The following SOX5 variants were observed in gnomAD, a reference collection of about 807,000 sequenced individuals.
SOX5 encodes transcription factor SOX-5.
SOX5 carries 9 observed loss-of-function variants against 92.0 expected under a neutral mutation model. The ratio of observed to expected loss-of-function variants is 0.10; its 90% CI spans 0.06 to 0.17. The LOEUF is 0.17. Ranked by LOEUF, SOX5 falls within the 10% of genes least tolerant of loss-of-function variation. SOX5 has a pLI of 1.00. For synonymous variants in SOX5, 344 were observed against 336.3 expected (o/e 1.02, Z -0.25); for missense variants, 642 against 944.5 (o/e 0.68, Z 4.20).
At chr12:24,216,245 A>G (rs1959165664) in intron 3 of SOX5, among the ~76,000 whole-genome samples, 1 of 152,192 alleles carries the variant, frequency 6.6e-6, no homozygotes, top group Non-Finnish European at 1.5e-5. Flanking sequence ...GCACTTTGGG[A>G]GGCCGAGGCG....
intron 4 of SOX5, among the ~76,000 whole-genome samples, chr12:24,186,554 TA>T (rs1322712790): frequency 1.3e-5 from 2 of 151,924 alleles, no homozygotes; most frequent in African/African-American, 4.8e-5. Context: ...AAGCAGAAAA[TA>T]GAAAGCAAAA....
chr12:23,853,360 AATATT>A (rs2096653819), intron 2 of SOX5, among the ~76,000 whole-genome samples: 1 of 151,704 alleles, frequency 6.6e-6, no homozygotes, highest in Non-Finnish European at 1.5e-5. Flanking sequence ...ACAATATGAA[AATATT>A]ATATTTTGTT....
At chr12:23,662,627 A>G (rs1056192021) in intron 7 of SOX5, among the ~76,000 whole-genome samples, 1 of 152,174 alleles carries the variant, frequency 6.6e-6, no homozygotes, top group Non-Finnish European at 1.5e-5. Flanking sequence ...GTCCAACTAA[A>G]AGCTTCTCTT....
chr12:24,151,872 T>A (rs1054152232), intron 4 of SOX5, among the ~76,000 whole-genome samples: 37 of 152,056 alleles, frequency 2.4e-4, no homozygotes, highest in African/African-American at 8.4e-4. Context: ...AAAAAATAAA[T>A]AAATAAATAA....
intron 2 of SOX5, among the ~76,000 whole-genome samples, chr12:23,867,637 T>A (rs569780741): frequency 6.6e-6 from 1 of 152,108 alleles, no homozygotes; most frequent in Admixed American, 6.5e-5. Flanking sequence ...AGATTTACAA[T>A]AAGATGAATA....
At chr12:24,534,907 C>A (rs1490773318) in intron 1 of SOX5, among the ~76,000 whole-genome samples, 1 of 152,198 alleles carries the variant, frequency 6.6e-6, no homozygotes, top group Non-Finnish European at 1.5e-5. Context: ...CCAAGAAAAA[C>A]CCTGCACTCT....
At chr12:24,249,521 G>C (rs988173506) in intron 3 of SOX5, among the ~76,000 whole-genome samples, 1 of 152,216 alleles carries the variant, frequency 6.6e-6, no homozygotes, top group African/African-American at 2.4e-5. Flanking sequence ...ACAGCAGCCT[G>C]TAATTTTACT....
At position 23,895,888 on chromosome 12, in the gene SOX5, G is replaced by A. The variant is rs752102785; in HGVS notation, c.175C>T (p.Pro59Ser). 2.0e-5 allele frequency: 33 copies of A among 1,613,970 alleles called. No individual in the cohort carries two copies. Among genetic ancestry groups the A allele is most frequent in the Non-Finnish European group, 2.8e-5 (33 of 1,179,976 alleles). Residue 59 changes from proline (P) to serine (S), a missense_variant, in exon 2 of 15, where the codon CCC becomes TCC. By Grantham distance (74) the Pro-to-Ser change is moderately conservative. Coordinates refer to ENST00000451604, the MANE Select transcript of SOX5 (RefSeq NM_006940.6). ...AFHLPLHVSF[P>S]NKPHSEEFQP... ...AATTCCTCAGAGTGAGGCTTGTTGGGAAAACTCACATGCAAGGGAAGGTGA... is the reference window on the plus strand; with the variant it reads ...AATTCCTCAGAGTGAGGCTTGTTGGAAAAACTCACATGCAAGGGAAGGTGA...
chr12:23,652,543 C>T (rs1010536103), intron 7 of SOX5, among the ~76,000 whole-genome samples: 6 of 138,000 alleles, frequency 4.3e-5, no homozygotes, highest in South Asian at 2.2e-4. Flanking sequence ...GAGCAATTCT[C>T]CCTAGCTGTC....
At chr12:23,832,684 T>G (rs1482906344) in intron 3 of SOX5, among the ~76,000 whole-genome samples, 1 of 151,928 alleles carries the variant, frequency 6.6e-6, no homozygotes, top group African/African-American at 2.4e-5. Flanking sequence ...CAGTTAGCAT[T>G]GCCAACTGAG....
chr12:23,842,415 T>C (rs757720640), intron 3 of SOX5, among the ~76,000 whole-genome samples: 15 of 152,128 alleles, frequency 9.9e-5, no homozygotes, highest in Non-Finnish European at 1.8e-4. Context: ...TAGAAATATT[T>C]ATAGATATAT....
chr12:23,921,157 C>T (rs915574153), intron 1 of SOX5, among the ~76,000 whole-genome samples: 1 of 152,036 alleles, frequency 6.6e-6, no homozygotes, highest in Non-Finnish European at 1.5e-5. Flanking sequence ...CCCTGTGCTG[C>T]CAAGGAAGCC....
intron 3 of SOX5, among the ~76,000 whole-genome samples, chr12:23,824,019 C>T (rs1441157749): frequency 6.6e-6 from 1 of 152,190 alleles, no homozygotes; most frequent in East Asian, 1.9e-4. Flanking sequence ...ATTTGTCTAA[C>T]CTTTTTTCAA....
chr12:24,088,666 G>A (rs970016079), intron 4 of SOX5, among the ~76,000 whole-genome samples: 4 of 151,002 alleles, frequency 2.6e-5, no homozygotes, highest in Non-Finnish European at 5.9e-5. Flanking sequence ...TACCATTTCC[G>A]AGTATTTGTT....
chr12:24,056,932 G>C (rs1448085397), intron 4 of SOX5, among the ~76,000 whole-genome samples: 1 of 125,262 alleles, frequency 8.0e-6, no homozygotes, highest in Non-Finnish European at 1.6e-5. Flanking sequence ...CCGAGATCCC[G>C]CCACTGCACT....
intron 3 of SOX5, among the ~76,000 whole-genome samples, chr12:23,793,585 G>C (rs1362546475): frequency 1.3e-5 from 2 of 152,172 alleles, no homozygotes; most frequent in Admixed American, 6.6e-5. Flanking sequence ...AGAATTTGCT[G>C]AATTGCTTGA....
chr12:23,585,606 G>C (rs558420490), intron 9 of SOX5, among the ~76,000 whole-genome samples: 3 of 152,176 alleles, frequency 2.0e-5, no homozygotes, highest in Non-Finnish European at 4.4e-5. Context: ...TTCAGGTTAA[G>C]AGCAGTACAG....
intron 4 of SOX5, among the ~76,000 whole-genome samples, chr12:23,747,831 A>G (rs1036770992): frequency 6.6e-6 from 1 of 151,868 alleles, no homozygotes; most frequent in African/African-American, 2.4e-5. Flanking sequence ...TTTTTCTTTA[A>G]TTCATTCAGC....
At chr12:23,950,276 ACACACT>A (rs981501157), upstream of SOX5, among the ~76,000 whole-genome samples, 3 of 151,916 alleles carry the variant, frequency 2.0e-5, no homozygotes, top group African/African-American at 7.3e-5. Context: ...ACACACACAC[ACACACT>A]CACACACACA....
Sources: gnomAD v4.1 joint callset for allele counts (sites outside exome capture counted in the v4.1 genomes callset) on GRCh38, gnomAD v4.1.1 for gene constraint, MANE v1.5 for transcripts, NCBI Gene and HGNC (gene_info 2026-07-23, HGNC 2026-07-21) for gene names.